LRP1B: variants seen among roughly 807,000 people sequenced by gnomAD.
LRP1B encodes low-density lipoprotein receptor-related protein 1B.
A neutral mutation model predicts 556.6 loss-of-function variants in LRP1B; 217 were observed. The observed-to-expected ratio is 0.39, with a 90% CI of 0.35 to 0.44. The LOEUF (loss-of-function observed/expected upper bound fraction) is 0.44. Ranked by LOEUF, LRP1B falls within the 20% of genes least tolerant of loss-of-function variation. LRP1B has a pLI of 1.00. For missense variants in LRP1B, 5,053 were observed against 5,620.8 expected (o/e 0.90, Z 3.23); for synonymous variants, 2,047 against 1,865.8 (o/e 1.10, Z -2.50).
At position 140,431,708 on chromosome 2, in the gene LRP1B, C is replaced by T. The variant is rs377101865; in HGVS notation, c.10414+10796G>A. Among the ~76,000 whole-genome samples, 22 of 152,216 alleles carry T rather than the reference C, an allele frequency of 1.4e-4. No individual in the cohort carries two copies. The East Asian group carries it at 3.5e-3, about 24-fold the overall frequency. ...ATCTGTTTTTCTCCTTCTCTTATTC[C>T]GTTTAGTTTTTCAATTCATTCAAAA... On this transcript the variant is annotated intron_variant, in intron 66 of 90. Coordinates refer to ENST00000389484, the MANE Select transcript of LRP1B (RefSeq NM_018557.3).
At chr2:140,761,589 C>T (rs1688925024) in intron 35 of LRP1B, among the ~76,000 whole-genome samples, 1 of 152,192 alleles carries the variant, frequency 6.6e-6, no homozygotes, top group South Asian at 2.1e-4. Context: ...ATGCTGTGAA[C>T]TGCCCTGTAG....
chr2:140,860,164 C>T (rs548848351), intron 27 of LRP1B, among the ~76,000 whole-genome samples: 6 of 152,214 alleles, frequency 3.9e-5, no homozygotes, highest in African/African-American at 1.4e-4. Context: ...AGTACACAAC[C>T]TCTCTATGTG....
intron 1 of LRP1B, among the ~76,000 whole-genome samples, chr2:142,058,524 C>T (rs1308522419): frequency 6.6e-6 from 1 of 152,134 alleles, no homozygotes; most frequent in Non-Finnish European, 1.5e-5. Flanking sequence ...ATTCAAAAAC[C>T]TTCTCAAAAC....
At chr2:141,271,643 CT>C in intron 3 of LRP1B, among the ~76,000 whole-genome samples, 1 of 151,642 alleles carries the variant, frequency 6.6e-6, no homozygotes, top group Admixed American at 6.6e-5. Flanking sequence ...GCGAAGCTCT[CT>C]TTACAAAATT....
chr2:140,859,672 T>G (rs1292014950), intron 27 of LRP1B, among the ~76,000 whole-genome samples: 1 of 152,164 alleles, frequency 6.6e-6, no homozygotes. Context: ...TTTTATTTAT[T>G]CCTCTTAATG....
intron 10 of LRP1B, among the ~76,000 whole-genome samples, chr2:141,051,200 A>G (rs1378011418): frequency 2.0e-5 from 3 of 152,090 alleles, no homozygotes; most frequent in Non-Finnish European, 2.9e-5. Context: ...TAGTTCAACC[A>G]TTCTGGAAGA....
At chr2:141,520,933 CT>C (rs1326947015) in intron 2 of LRP1B, among the ~76,000 whole-genome samples, 1 of 151,832 alleles carries the variant, frequency 6.6e-6, no homozygotes, top group East Asian at 1.9e-4. Flanking sequence ...GTGATGGTGA[CT>C]TTTCTCCTTA....
Position 141,422,697 on chromosome 2 carries a change from T to C in LRP1B, c.343+57699A>G, listed in dbSNP as rs114215595. On this transcript the variant is annotated intron_variant, in intron 3 of 90. Transcript: ENST00000389484. ...ATCAAACATGACATTTATGGCTATA[T>C]ACTTGTTGATAATGATATCATCTTC... Among the ~76,000 whole-genome samples, 1,322 of 152,344 alleles carry C rather than the reference T, an allele frequency of 8.7e-3. 17 individuals carry two copies. Among genetic ancestry groups the C allele is most frequent in the African/African-American group, 0.03 (1,257 of 41,586 alleles).
rs1452524551 is a variant in LRP1B, at chr2:140,270,331, C to T, written c.13158G>A (p.Lys4386=). ...EDIFCNCTNG[K]IASSCQLCDG... is the part of the protein sequence containing the mutation. ...CACATAACTGACAGCTAGAGGCAAT[C>T]TTTCCATTAGTGCAGCTGCAACAAC... Residue 4386 remains lysine (K), a synonymous_variant, in exon 86 of 91, where the codon AAG becomes AAA. Transcript: ENST00000389484. The T allele has an allele frequency of 5.0e-6, 8 of 1,610,434 alleles. No homozygotes were observed. In the African/African-American group the frequency reaches 1.1e-4, roughly 22 times the overall value.
intron 2 of LRP1B, among the ~76,000 whole-genome samples, chr2:141,502,094 T>C (rs1683736439): frequency 6.6e-6 from 1 of 152,186 alleles, no homozygotes; most frequent in African/African-American, 2.4e-5. Flanking sequence ...TTGAGTTGTG[T>C]TTAAATCTTG....
At chr2:140,381,170 A>G (rs1245189173) in intron 67 of LRP1B, among the ~76,000 whole-genome samples, 3 of 152,108 alleles carry the variant, frequency 2.0e-5, no homozygotes, top group Non-Finnish European at 2.9e-5. Context: ...TAATTTAGTT[A>G]CCACGGAAAG....
intron 11 of LRP1B, among the ~76,000 whole-genome samples, chr2:141,026,704 T>G (rs116629714): frequency 1.7e-3 from 260 of 152,178 alleles, no homozygotes; most frequent in African/African-American, 6.1e-3. Flanking sequence ...TAATAACATC[T>G]TTCCATAAAT....
In LRP1B at chr2:141,074,931, G is replaced by T. The variant is rs562980298; in HGVS notation, c.1014-12658C>A. On this transcript the variant is annotated intron_variant, in intron 7 of 90. Transcript: ENST00000389484. The stretch of plus-strand genomic sequence containing the variant: ...TGTAAGGAGTAGTGATTAGTTCAGG[G>T]TTAGATTTGAGTATTCCTGTATCTA... Among the ~76,000 whole-genome samples, 485 of 152,118 alleles carry T rather than the reference G, an allele frequency of 3.2e-3. 3 individuals are homozygous for T. The highest frequency in any genetic ancestry group is 0.011 in the African/African-American group (469 of 41,522).
intron 1 of LRP1B, among the ~76,000 whole-genome samples, chr2:142,122,884 G>A (rs1375611): frequency 6.6e-6 from 1 of 151,756 alleles, no homozygotes; most frequent in South Asian, 2.1e-4. Context: ...AAAAGCTTTG[G>A]AAATGCACAA....
chr2:140,259,506 C>A (rs1448988804), intron 86 of LRP1B, among the ~76,000 whole-genome samples: 1 of 151,844 alleles, frequency 6.6e-6, no homozygotes, highest in Non-Finnish European at 1.5e-5. Flanking sequence ...CTATTATTTT[C>A]TGACTCTCCA....
intron 2 of LRP1B, among the ~76,000 whole-genome samples, chr2:141,639,971 C>T (rs1309245612): frequency 6.6e-6 from 1 of 152,178 alleles, no homozygotes; most frequent in Non-Finnish European, 1.5e-5. Flanking sequence ...GCTCCCAAGC[C>T]TGGAACTCAT....
At chr2:141,445,736 T>C (rs780616498) in intron 3 of LRP1B, among the ~76,000 whole-genome samples, 73 of 152,328 alleles carry the variant, frequency 4.8e-4, no homozygotes, top group African/African-American at 1.3e-3. Context: ...TGCGTTTTGA[T>C]TGAGCTTCTA....
At chr2:141,187,566 T>A (rs1033154436) in intron 7 of LRP1B, among the ~76,000 whole-genome samples, 1 of 152,094 alleles carries the variant, frequency 6.6e-6, no homozygotes, top group Non-Finnish European at 1.5e-5. Flanking sequence ...GGTGGTACAC[T>A]ATGTGGTTAA....
chr2:141,208,587 C>T (rs1476372253), intron 6 of LRP1B, among the ~76,000 whole-genome samples: 2 of 151,890 alleles, frequency 1.3e-5, no homozygotes, highest in Non-Finnish European at 2.9e-5. Context: ...ATGGGAGTGG[C>T]TGGGCGCGGG....
Sources: allele counts gnomAD v4.1 joint callset (sites outside exome capture counted in the v4.1 genomes callset), GRCh38; gene constraint gnomAD v4.1.1; transcripts MANE v1.5; gene names NCBI Gene and HGNC (gene_info 2026-07-23, HGNC 2026-07-21).